Variants in GRIP2 observed in about 807,000 individuals in gnomAD.
GRIP2 encodes glutamate receptor interacting protein 2.
GRIP2 carries 58 observed loss-of-function variants against 108.3 expected under a neutral mutation model. The ratio of observed to expected loss-of-function variants is 0.54; its 90% CI spans 0.43 to 0.67. GRIP2 has a LOEUF of 0.67. GRIP2 is among the 30% of genes least tolerant of loss of function. The pLI, the probability that GRIP2 is intolerant of heterozygous loss-of-function variation, is 0.00. For synonymous variants in GRIP2, 586 were observed against 598.2 expected (o/e 0.98, Z 0.30); for missense variants, 1,278 against 1,430.6 (o/e 0.89, Z 1.72).
At position 14,521,502 on chromosome 3, in the gene GRIP2, A is replaced by T; in HGVS notation, c.712+140T>A. The T allele has an allele frequency of 2.3e-6, 2 of 870,142 alleles. No homozygotes were observed. Among genetic ancestry groups the T allele is most frequent in the Non-Finnish European group, 3.5e-6 (2 of 576,934 alleles). 53.9% of individuals were successfully genotyped at this position (870,142 alleles called of 1,614,324 possible). On this transcript the variant is annotated intron_variant, in intron 7 of 23. Coordinates refer to ENST00000621039, the MANE Select transcript of GRIP2 (RefSeq NM_001080423.4). The surrounding 1 kb of genome is among the most constrained non-coding windows in gnomAD (Gnocchi z 5.1). ...AAACAATGCCTAGCACATACTATTT[A>T]CTGCCCAGAGAAGCTGTGACTGGCC... is the stretch of plus-strand genomic sequence containing the variant.
the GRIP2 span, chr3:14,573,035 C>G: frequency 1.4e-6 from 2 of 1,387,444 alleles, no homozygotes; most frequent in East Asian, 2.3e-5. Context: ...ACAGATGGAA[C>G]TTGCTGAAGC....
rs1232501394 is a variant in GRIP2, at chr3:14,521,423, C to T, written c.712+219G>A. On this transcript the variant is annotated intron_variant, in intron 7 of 23. Transcript: ENST00000621039. The surrounding 1 kb of genome is among the most constrained non-coding windows in gnomAD (Gnocchi z 5.1). ...TCCTCTCTCCACCAGAATGCCAGCT[C>T]CATGAGAACAGACACCTCAATTCTG... The T allele has an allele frequency of 7.6e-6, 4 of 527,904 alleles. No homozygotes were observed. The highest frequency in any genetic ancestry group is 1.3e-5 in the Non-Finnish European group (4 of 301,456). 32.7% of individuals were successfully genotyped at this position (527,904 alleles called of 1,614,324 possible). A position where few individuals can be genotyped will look rare whatever the true frequency, so the allele number is the denominator to read the frequency against.
the GRIP2 span, among the ~76,000 whole-genome samples, chr3:14,597,705 C>T: frequency 2.7e-5 from 4 of 150,934 alleles, no homozygotes; most frequent in East Asian, 7.8e-4. Flanking sequence ...CTTTTACCCA[C>T]AAAGCAAAAG....
At chr3:14,577,980 C>T in the GRIP2 span, among the ~76,000 whole-genome samples, 1 of 152,206 alleles carries the variant, frequency 6.6e-6, no homozygotes, top group Non-Finnish European at 1.5e-5. Context: ...AGGATGGGAG[C>T]TTAAGGTCTC....
chr3:14,522,148 G>A lies in GRIP2; in HGVS notation c.567-361C>T, dbSNP rs1575013862. On this transcript the variant is annotated intron_variant, in intron 6 of 23. Coordinates refer to ENST00000621039, the MANE Select transcript of GRIP2 (RefSeq NM_001080423.4). This position sits in a 1 kb window ranked among gnomAD's most constrained non-coding sequence, Gnocchi z 4.3. ...CCTCAGGGACAAAGGACAGCACCAG[G>A]GCCCAGAGAGGGTGCAAGCTGTGCC... 8.8e-6 allele frequency: 2 copies of A among 227,692 alleles called. No individual in the cohort carries two copies. The highest frequency in any genetic ancestry group is 1.9e-4 in the South Asian group (2 of 10,530). The allele number at this position is 227,692 out of a possible 1,614,324, so 14.1% of individuals were successfully genotyped here.
In GRIP2 at chr3:14,525,921, G is replaced by T. The variant is rs748342723; in HGVS notation, c.51C>A (p.Pro17=). Residue 17 remains proline (P), a synonymous_variant, in exon 2 of 24, where the codon CCC becomes CCA. Coordinates refer to ENST00000621039, the MANE Select transcript of GRIP2 (RefSeq NM_001080423.4). ...RETPGEADDG[P]YSKGGKDAGG... is the part of the protein sequence containing the mutation. Reference sequence around the variant, plus strand: ...CTGCGTCCTTGCCTCCTTTGGAGTAGGGCCCATCGTCTGCAGGAGAGAAAG... The same window carrying T: ...CTGCGTCCTTGCCTCCTTTGGAGTATGGCCCATCGTCTGCAGGAGAGAAAG... 6.4e-7 allele frequency: 1 copy of T among 1,558,116 alleles called. No homozygotes were observed. The highest frequency in any genetic ancestry group is 2.4e-5 in the East Asian group (1 of 41,472).
chr3:14,591,445 T>G, the GRIP2 span, among the ~76,000 whole-genome samples: 15,479 of 152,120 alleles, frequency 0.1, 1,017 homozygotes, highest in Non-Finnish European at 0.14. Context: ...ACTTAACCTC[T>G]CTGTGCTTCA....
chr3:14,566,681 TA>T, the GRIP2 span, among the ~76,000 whole-genome samples: 1 of 152,200 alleles, frequency 6.6e-6, no homozygotes, highest in Non-Finnish European at 1.5e-5. Flanking sequence ...CGTGACCTCC[TA>T]AAAGCTCCTT....
chr3:14,594,978 C>G, the GRIP2 span, among the ~76,000 whole-genome samples: 2 of 152,230 alleles, frequency 1.3e-5, no homozygotes, highest in Non-Finnish European at 2.9e-5. Flanking sequence ...TTCACTGCAG[C>G]CTGGAACTCC....
Position 14,507,360 on chromosome 3 carries a change from A to G in GRIP2, c.2218+201T>C, listed in dbSNP as rs547531134. On this transcript the variant is annotated intron_variant, in intron 18 of 23. Coordinates refer to ENST00000621039, the MANE Select transcript of GRIP2 (RefSeq NM_001080423.4). This position sits in a 1 kb window ranked among gnomAD's most constrained non-coding sequence, Gnocchi z 4.6. Reference sequence around the variant, plus strand: ...GGAAGTAATGAAGAACAGGGCTCAGACCCAGATTCTGCCCCGTGCCCACTG... The same window carrying G: ...GGAAGTAATGAAGAACAGGGCTCAGGCCCAGATTCTGCCCCGTGCCCACTG... Among the ~76,000 whole-genome samples, 7 of 152,316 alleles carry G rather than the reference A, an allele frequency of 4.6e-5. No homozygotes were observed. Among genetic ancestry groups the G allele is most frequent in the African/African-American group, 1.7e-4 (7 of 41,568 alleles).
At chr3:14,517,337 T>G in intron 10 of GRIP2, 124 bp from the exon 11 acceptor site, 2 of 983,718 alleles carry the variant, frequency 2.0e-6, no homozygotes, top group Non-Finnish European at 2.9e-6. Context: ...TTCACATCAG[T>G]TACTCATTGT....
intron 1 of GRIP2, among the ~76,000 whole-genome samples, chr3:14,526,779 T>C (rs1327606461): frequency 6.6e-6 from 1 of 152,186 alleles, no homozygotes; most frequent in Non-Finnish European, 1.5e-5. Context: ...TTGCTTCTTT[T>C]GAGTTAGTAG....
chr3:14,570,167 CA>C, the GRIP2 span, among the ~76,000 whole-genome samples: 1 of 152,308 alleles, frequency 6.6e-6, no homozygotes, highest in Admixed American at 6.5e-5. Context: ...CTTTTGAGAA[CA>C]GGGGTGTCTA....
At chr3:14,502,619 GA>G (rs1452410932) in intron 21 of GRIP2, among the ~76,000 whole-genome samples, 2 of 152,124 alleles carry the variant, frequency 1.3e-5, no homozygotes, top group African/African-American at 4.8e-5. Context: ...ATTTAAGGTG[GA>G]AAGTGCATTT....
chr3:14,520,723 G>T, intron 7 of GRIP2, 186 bp from the exon 8 acceptor site: 1 of 660,334 alleles, frequency 1.5e-6, no homozygotes, highest in Non-Finnish European at 2.5e-6. Flanking sequence ...CAATTTGACA[G>T]ATAAGATAGC....
chr3:14,551,030 G>A (rs892552598), intron 1 of GRIP2, among the ~76,000 whole-genome samples: 1 of 152,170 alleles, frequency 6.6e-6, no homozygotes, highest in African/African-American at 2.4e-5. Context: ...GAGCGGGAGG[G>A]GGGAGGCAGC....
intron 2 of GRIP2, 128 bp from the exon 3 acceptor site, chr3:14,525,700 C>T (rs112380233): frequency 5.3e-6 from 7 of 1,332,952 alleles, no homozygotes; most frequent in African/African-American, 4.3e-5. Flanking sequence ...GTGATGATCA[C>T]CTCCTTTTTA....
At chr3:14,550,167 C>A (rs898693255) in intron 1 of GRIP2, among the ~76,000 whole-genome samples, 2 of 152,220 alleles carry the variant, frequency 1.3e-5, no homozygotes, top group African/African-American at 4.8e-5. Flanking sequence ...CCCTGCGCCC[C>A]AAACTGACCA....
intron 1 of GRIP2, chr3:14,530,982 A>C (rs560237915): frequency 6.6e-6 from 1 of 151,762 alleles, no homozygotes; most frequent in South Asian, 2.1e-4. Context: ...TTTTTTTTGC[A>C]AAACTACGGA....
Sources: gnomAD v4.1 joint callset for allele counts (sites outside exome capture counted in the v4.1 genomes callset) on GRCh38, gnomAD v4.1.1 for gene constraint, Gnocchi (gnomAD v3.1) non-coding constraint, MANE v1.5 for transcripts, NCBI Gene and HGNC (gene_info 2026-07-23, HGNC 2026-07-21) for gene names.